CACNA2D1: variants seen among roughly 807,000 people sequenced by gnomAD.
The protein encoded by CACNA2D1 is voltage-dependent calcium channel subunit alpha-2/delta-1.
Under a neutral mutation model 171.5 loss-of-function variants are expected in CACNA2D1, and 53 were observed. The observed-to-expected ratio is 0.31, with a 90% confidence interval of 0.25 to 0.39. The LOEUF is 0.39. CACNA2D1 is among the 10% of genes least tolerant of loss of function. The pLI, the probability that CACNA2D1 is intolerant of heterozygous loss-of-function variation, is 1.00. For synonymous variants in CACNA2D1, 442 were observed against 443.1 expected, an observed-to-expected ratio of 1.00 and a Z score of 0.03; for missense variants, 903 against 1,299.8, an observed-to-expected ratio of 0.69 and a Z score of 4.69.
In CACNA2D1 at chr7:82,012,307, T is replaced by G; in HGVS notation, c.1273-64A>C. ...TAGGAATGCTGTGTTGAAATAAAAATTACAGAGAAAAAATATTCTAGAGTT... is the reference window on the plus strand; with the variant it reads ...TAGGAATGCTGTGTTGAAATAAAAAGTACAGAGAAAAAATATTCTAGAGTT... On this transcript the variant is annotated intron_variant, in intron 14 of 38. Coordinates refer to ENST00000356860, the MANE Select transcript of CACNA2D1 (RefSeq NM_000722.4). 7.0e-6 allele frequency: 6 copies of G among 860,676 alleles called. No homozygotes were observed. The South Asian group carries it at 8.2e-5, about 12-fold the overall frequency. The allele number at this position is 860,676 out of a possible 1,614,324, so 53.3% of individuals were successfully genotyped here.
chr7:82,156,730 A>C (rs1794416777), intron 4 of CACNA2D1, among the ~76,000 whole-genome samples: 1 of 152,002 alleles, frequency 6.6e-6, no homozygotes. Context: ...GTGAACAAGT[A>C]AATTGAAATG....
chr7:82,421,019 A>T (rs1828671497), intron 1 of CACNA2D1, among the ~76,000 whole-genome samples: 1 of 152,312 alleles, frequency 6.6e-6, no homozygotes, highest in East Asian at 1.9e-4. Flanking sequence ...CAATTTTATT[A>T]AAAAGCCCTT....
At chr7:82,225,551 C>T (rs1372612514) in intron 3 of CACNA2D1, among the ~76,000 whole-genome samples, 1 of 151,978 alleles carries the variant, frequency 6.6e-6, no homozygotes, top group East Asian at 1.9e-4. Context: ...ATTTATGACC[C>T]AATACAAATT....
intron 3 of CACNA2D1, among the ~76,000 whole-genome samples, chr7:82,313,176 A>G (rs1814687131): frequency 6.6e-6 from 1 of 152,090 alleles, no homozygotes; most frequent in Admixed American, 6.6e-5. Context: ...AATCTATCTC[A>G]CAATCTCCAA....
At chr7:82,299,060 CAAAAAAA>C (rs11438533) in intron 3 of CACNA2D1, among the ~76,000 whole-genome samples, 5,897 of 111,860 alleles carry the variant, frequency 0.053, 165 homozygotes, top group Middle Eastern at 0.11. Flanking sequence ...GAGACTCTGT[CAAAAAAA>C]AAAAAAAAAA....
At chr7:82,283,544 A>G (rs1243337755) in intron 3 of CACNA2D1, among the ~76,000 whole-genome samples, 2 of 152,230 alleles carry the variant, frequency 1.3e-5, no homozygotes, top group Non-Finnish European at 2.9e-5. Flanking sequence ...GGAGAATTTT[A>G]AGTGAACGGT....
At chr7:82,110,310 G>C (rs2129046874) in intron 6 of CACNA2D1, among the ~76,000 whole-genome samples, 1 of 152,186 alleles carries the variant, frequency 6.6e-6, no homozygotes, top group East Asian at 1.9e-4. Flanking sequence ...TCATGAGTGT[G>C]GAGCACCTAC....
chr7:81,952,823 G>A (rs1792765368), intron 38 of CACNA2D1, among the ~76,000 whole-genome samples: 1 of 151,914 alleles, frequency 6.6e-6, no homozygotes, highest in South Asian at 2.1e-4. Flanking sequence ...GTTCAATCCT[G>A]TATTCTCCTC....
At chr7:82,346,572 C>A (rs114198296) in intron 2 of CACNA2D1, among the ~76,000 whole-genome samples, 28 of 152,120 alleles carry the variant, frequency 1.8e-4, no homozygotes, top group African/African-American at 6.7e-4. Context: ...CTTTCTGTAC[C>A]ATTGTTAGCA....
intron 3 of CACNA2D1, among the ~76,000 whole-genome samples, chr7:82,190,486 A>C (rs1798183103): frequency 1.3e-5 from 2 of 151,784 alleles, no homozygotes; most frequent in Non-Finnish European, 3.0e-5. Context: ...ACTTTCCTCA[A>C]ATCTCATTTG....
intron 7 of CACNA2D1, among the ~76,000 whole-genome samples, chr7:82,077,479 A>C (rs1809122372): frequency 6.6e-6 from 1 of 151,792 alleles, no homozygotes; most frequent in South Asian, 2.1e-4. Flanking sequence ...CAGAGTAGTG[A>C]GATCTGGGTG....
Position 81,964,212 on chromosome 7 carries a change from A to T in CACNA2D1, c.2722T>A (p.Tyr908Asn). Residue 908 changes from tyrosine (Y) to asparagine (N), a missense_variant, in exon 33 of 39, where the codon TAT (tyrosine) becomes AAT (asparagine). Tyr to Asn is a moderately radical substitution (Grantham distance 143). Around this residue, in one of 5 missense-constraint regions of CACNA2D1, gnomAD observed 623 missense variants for 925.5 expected, o/e 0.67. Transcript: ENST00000356860. ...PKQGAGHRSA[Y>N]VPSVADILQI... ...AGACCGTGGATATTACTGACCACAT[A>T]TGCTGAGCGATGTCCTGCTCCTTGT... 1 of 1,612,826 alleles carries T rather than the reference A, an allele frequency of 6.2e-7. No homozygotes were observed. The highest frequency in any genetic ancestry group is 8.5e-7 in the Non-Finnish European group (1 of 1,179,146).
At chr7:82,370,006 T>A (rs979049599) in intron 1 of CACNA2D1, among the ~76,000 whole-genome samples, 3 of 152,128 alleles carry the variant, frequency 2.0e-5, no homozygotes, top group Non-Finnish European at 4.4e-5. Flanking sequence ...TAATATTCCA[T>A]TTTTATTCTT....
At chr7:82,350,631 C>T (rs1819750906) in intron 1 of CACNA2D1, among the ~76,000 whole-genome samples, 2 of 152,172 alleles carry the variant, frequency 1.3e-5, no homozygotes, top group Admixed American at 1.3e-4. Context: ...CGCCACTGCA[C>T]TCCAGCTCGG....
chr7:82,252,747 G>A (rs1805804630), intron 3 of CACNA2D1, among the ~76,000 whole-genome samples: 1 of 152,032 alleles, frequency 6.6e-6, no homozygotes, highest in African/African-American at 2.4e-5. Context: ...AAAATTAGCT[G>A]GGCGTGGTGG....
At position 82,170,534 on chromosome 7, in the gene CACNA2D1, T is replaced by C. The variant is rs1193184701; in HGVS notation, c.354+16A>G. 1.3e-6 allele frequency: 2 copies of C among 1,599,942 alleles called. No homozygotes were observed. Among genetic ancestry groups the C allele is most frequent in the Non-Finnish European group, 1.7e-6 (2 of 1,167,470 alleles). Reference sequence around the variant, plus strand: ...TGTCAAGCTATTTAAATCAAGTAGTTAAAAGGGGTTCTTACTGCAAAATCT... The same window carrying C: ...TGTCAAGCTATTTAAATCAAGTAGTCAAAAGGGGTTCTTACTGCAAAATCT... On this transcript the variant is annotated intron_variant, in intron 4 of 38. Transcript: ENST00000356860.
chr7:82,200,206 C>A (rs1207227394), intron 3 of CACNA2D1, among the ~76,000 whole-genome samples: 1 of 152,002 alleles, frequency 6.6e-6, no homozygotes. Flanking sequence ...CTCTTAGCGA[C>A]TCAAGTAGAA....
intron 4 of CACNA2D1, among the ~76,000 whole-genome samples, chr7:82,137,477 T>C (rs1791760881): frequency 1.3e-5 from 2 of 152,282 alleles, no homozygotes; most frequent in South Asian, 4.1e-4. Context: ...TCCAAACTGA[T>C]TGAAGATATA....
chr7:81,970,224 G>C (rs1795127647), intron 27 of CACNA2D1, among the ~76,000 whole-genome samples: 1 of 151,464 alleles, frequency 6.6e-6, no homozygotes, highest in Admixed American at 6.6e-5. Flanking sequence ...TCAGGTAACA[G>C]GACAAGTAAG....
Sources: allele counts gnomAD v4.1 joint callset (sites outside exome capture counted in the v4.1 genomes callset), GRCh38; gene constraint gnomAD v4.1.1; regional missense constraint gnomAD v4.1.1; transcripts MANE v1.5; gene names NCBI Gene and HGNC (gene_info 2026-07-23, HGNC 2026-07-21).